LHX8: variants seen among roughly 807,000 people sequenced by gnomAD.
LHX8 encodes the protein LIM/homeobox protein Lhx8.
LHX8 carries 12 observed loss-of-function variants against 40.3 expected under a neutral mutation model. The observed-to-expected ratio is 0.30, with a 90% CI of 0.19 to 0.48. The LOEUF (loss-of-function observed/expected upper bound fraction) is 0.48. Ranked by LOEUF, LHX8 falls within the 20% of genes least tolerant of loss-of-function variation. LHX8 has a pLI of 0.99. For synonymous variants in LHX8, 179 were observed against 162.0 expected (o/e 1.10, Z -0.80); for missense variants, 344 against 433.7 (o/e 0.79, Z 1.84).
Position 75,148,655 on chromosome 1 carries a change from GAC to G in LHX8, c.755_756del (p.Thr252ArgfsTer15), listed in dbSNP as rs774206173. The stretch of plus-strand genomic sequence containing the variant: ...AGACACTCCAGAAATTGGCAGAAAG[GAC>G]AGGCTTGAGCAGACGTGTGATACAG... ...AQTLQKLAER[T>X]GLSRRVIQVW... is the part of the protein sequence containing the mutation. On this transcript the variant is annotated frameshift_variant, in exon 7 of 9. Transcript: ENST00000356261. LOFTEE classifies it high-confidence loss of function. 1 of 1,613,638 alleles carries G rather than the reference GAC, an allele frequency of 6.2e-7. No individual in the cohort carries two copies. Among genetic ancestry groups the G allele is most frequent in the South Asian group, 1.1e-5 (1 of 91,062 alleles).
chr1:75,181,248 G>T, the LHX8 span, among the ~76,000 whole-genome samples: 2 of 152,206 alleles, frequency 1.3e-5, no homozygotes, highest in African/African-American at 4.8e-5. Flanking sequence ...CTTCAGAGCT[G>T]TCAGACAGAG....
chr1:75,166,117 A>T (rs112121933), downstream of LHX8, among the ~76,000 whole-genome samples: 6,117 of 152,334 alleles, frequency 0.04, 410 homozygotes, highest in African/African-American at 0.13. Context: ...ATGGAGCACC[A>T]GAAGTTTGGC....
At chr1:75,183,524 C>A in the LHX8 span, among the ~76,000 whole-genome samples, 3 of 151,890 alleles carry the variant, frequency 2.0e-5, no homozygotes, top group African/African-American at 7.2e-5. Flanking sequence ...TCCAGCCAAA[C>A]TAAGCTTTCT....
intron 2 of LHX8, 37 bp downstream of exon 2, chr1:75,136,726 C>G: frequency 6.7e-7 from 1 of 1,503,528 alleles, no homozygotes; most frequent in Non-Finnish European, 9.0e-7. Context: ...GCAAGACTGG[C>G]CGTGGGGAGG....
upstream of LHX8, chr1:75,132,778 C>A (rs1648007148): frequency 6.6e-6 from 1 of 152,290 alleles, no homozygotes; most frequent in Admixed American, 6.6e-5. Flanking sequence ...CACACACACA[C>A]ACACACACAC....
chr1:75,146,444 T>C (rs764651873), intron 6 of LHX8, among the ~76,000 whole-genome samples: 5 of 152,224 alleles, frequency 3.3e-5, no homozygotes, highest in Admixed American at 6.5e-5. Context: ...GCTTATTCTA[T>C]GTAGAAGCAC....
the LHX8 span, among the ~76,000 whole-genome samples, chr1:75,194,396 G>T: frequency 3.3e-5 from 5 of 152,186 alleles, no homozygotes; most frequent in Non-Finnish European, 7.3e-5. Flanking sequence ...GACCAGAGGA[G>T]CCATGAGCCT....
rs1156877370 is a variant in LHX8 at position 75,140,974 on chromosome 1, T to G, written c.238-11T>G. 6.2e-7 allele frequency: 1 copy of G among 1,613,424 alleles called. No individual in the cohort carries two copies. Among genetic ancestry groups the G allele is most frequent in the Admixed American group, 1.7e-5 (1 of 60,024 alleles). On this transcript the variant is annotated splice_polypyrimidine_tract_variant and intron_variant, in intron 3 of 8. Transcript: ENST00000356261. ...AATATGATATTACAATGGCTTCTCTTCCCTTCACAGGTGAATGACCTATGC... is the reference window on the plus strand; with the variant it reads ...AATATGATATTACAATGGCTTCTCTGCCCTTCACAGGTGAATGACCTATGC...
intron 1 of LHX8, among the ~76,000 whole-genome samples, chr1:75,135,727 C>A (rs984825788): frequency 6.6e-6 from 1 of 152,208 alleles, no homozygotes; most frequent in Non-Finnish European, 1.5e-5. Context: ...TTGAGTAACG[C>A]GCGTTGTTTC....
At chr1:75,133,132 C>G (rs1397989932), upstream of LHX8, 1 of 152,230 alleles carries the variant, frequency 6.6e-6, no homozygotes, top group African/African-American at 2.4e-5. Flanking sequence ...AACGAGATCT[C>G]CCAGAGAGGA....
the LHX8 span, among the ~76,000 whole-genome samples, chr1:75,184,265 T>C: frequency 6.6e-6 from 1 of 152,214 alleles, no homozygotes; most frequent in Non-Finnish European, 1.5e-5. Flanking sequence ...TTAAACCAAA[T>C]GGATCTGATA....
intron 2 of LHX8, 93 bp downstream of exon 2, chr1:75,136,782 C>G: frequency 3.0e-6 from 3 of 995,658 alleles, no homozygotes; most frequent in Non-Finnish European, 4.5e-6. Context: ...TTCCAGGGCC[C>G]AGCTGGCCCC....
rs529524066 is a variant in LHX8 at position 75,150,865 on chromosome 1, C to T, written c.780+2183C>T. On this transcript the variant is annotated intron_variant, in intron 7 of 8. Transcript: ENST00000356261. ...CTAATTTTTGTATTTTTAGTAGAGA[C>T]GGGGTTTCACCATGTTGGTCAGGCT... is the stretch of plus-strand genomic sequence containing the variant. 9.2e-5 allele frequency among the ~76,000 whole-genome samples: 14 copies of T among 151,732 alleles called. No individual in the cohort carries two copies. The East Asian group carries it at 1.6e-3, about 17-fold the overall frequency.
At chr1:75,179,618 CT>C in the LHX8 span, among the ~76,000 whole-genome samples, 1 of 149,210 alleles carries the variant, frequency 6.7e-6, no homozygotes, top group Non-Finnish European at 1.5e-5. Flanking sequence ...ATACAGCACT[CT>C]TGATGGGTCT....
chr1:75,135,186 C>T (rs1290742396), intron 1 of LHX8, among the ~76,000 whole-genome samples: 1 of 152,200 alleles, frequency 6.6e-6, no homozygotes, highest in Non-Finnish European at 1.5e-5. Flanking sequence ...AAAAGAAAAC[C>T]GCAGGGCACA....
At chr1:75,184,635 T>C in the LHX8 span, among the ~76,000 whole-genome samples, 1 of 152,112 alleles carries the variant, frequency 6.6e-6, no homozygotes, top group Non-Finnish European at 1.5e-5. Flanking sequence ...GAGGGATATT[T>C]ATAGCATTAA....
the LHX8 span, among the ~76,000 whole-genome samples, chr1:75,168,222 CTGTT>C: frequency 3.9e-5 from 6 of 152,184 alleles, no homozygotes; most frequent in South Asian, 2.1e-4. Flanking sequence ...TCATAGTTTT[CTGTT>C]TGTTTGTTTG....
the LHX8 span, among the ~76,000 whole-genome samples, chr1:75,192,209 A>G: frequency 6.6e-6 from 1 of 152,224 alleles, no homozygotes; most frequent in Non-Finnish European, 1.5e-5. Context: ...GTTGTCATAT[A>G]ATAAGCATTT....
chr1:75,153,459 C>T (rs1392614905), intron 7 of LHX8, among the ~76,000 whole-genome samples: 2 of 151,684 alleles, frequency 1.3e-5, no homozygotes, highest in East Asian at 1.9e-4. Context: ...GTTGCCCAGG[C>T]TAGAGTGCAA....
Sources: gnomAD v4.1 joint callset for allele counts (sites outside exome capture counted in the v4.1 genomes callset) on GRCh38, gnomAD v4.1.1 for gene constraint, MANE v1.5 for transcripts, NCBI Gene and HGNC (gene_info 2026-07-23, HGNC 2026-07-21) for gene names.